CCDC171: variants seen among roughly 807,000 people sequenced by gnomAD.
The protein encoded by CCDC171 is coiled-coil domain-containing protein 171.
CCDC171 carries 177 observed loss-of-function variants against 168.2 expected under a neutral mutation model. The observed-to-expected ratio is 1.05, with a 90% confidence interval of 0.93 to 1.19. The LOEUF (loss-of-function observed/expected upper bound fraction) is 1.19, where lower values mean the gene tolerates loss of function less well. Among genes scored for constraint, CCDC171 ranks in the 50% most tolerant of loss-of-function variants. CCDC171 has a pLI of 0.00. For missense variants in CCDC171, 1,991 were observed against 1,539.0 expected (o/e 1.29, Z -4.91); for synonymous variants, 687 against 540.8 (o/e 1.27, Z -3.75).
rs572420254 is a variant in CCDC171 at position 15,795,030 on chromosome 9, G to A, written c.3267+10336G>A. Among the ~76,000 whole-genome samples, 15 of 152,312 alleles carry A rather than the reference G, an allele frequency of 9.8e-5. No individual in the cohort carries two copies. In the South Asian group the frequency reaches 3.1e-3, roughly 32 times the overall value. ...AGAGTGGTGTCTTAGTGCATTTTGT[G>A]TTGCTATGACAAAATAGCACAGATG... On this transcript the variant is annotated intron_variant, in intron 21 of 25. Transcript: ENST00000380701.
At position 15,982,548 on chromosome 9, in the gene CCDC171, A is replaced by T. The variant is rs543642973; in HGVS notation, n.369-38041A>T. On this transcript the variant is annotated intron_variant and non_coding_transcript_variant, in intron 3 of 9. Transcript: ENST00000486641. ...AAAGAGGGATAATTCATGGAACCTG[A>T]GGGCAGGAGTGCAGCCCAGCCTTTA... is the stretch of plus-strand genomic sequence containing the variant. 7.2e-5 allele frequency among the ~76,000 whole-genome samples: 11 copies of T among 152,270 alleles called. No homozygotes were observed. In the South Asian group the frequency reaches 2.3e-3, roughly 32 times the overall value.
chr9:16,079,907 C>T, the CCDC171 span, among the ~76,000 whole-genome samples: 1 of 152,190 alleles, frequency 6.6e-6, no homozygotes, highest in East Asian at 1.9e-4. Context: ...ATAGTATCCT[C>T]ATTTTGCACA....
intron 24 of CCDC171, among the ~76,000 whole-genome samples, chr9:15,895,212 A>C (rs924502887): frequency 6.6e-6 from 1 of 152,138 alleles, no homozygotes; most frequent in Admixed American, 6.6e-5. Context: ...GTAAGAGATT[A>C]TGTATGCCAT....
chr9:15,685,058 G>C (rs986192764), intron 10 of CCDC171, among the ~76,000 whole-genome samples: 1 of 152,140 alleles, frequency 6.6e-6, no homozygotes, highest in Non-Finnish European at 1.5e-5. Context: ...AAATAAGTGA[G>C]TCCCTTTATC....
intron 4 of CCDC171, among the ~76,000 whole-genome samples, chr9:15,590,024 GCAGGCATAGCATTATGAAATTTCAGAAA>G (rs2041867094): frequency 6.6e-6 from 1 of 152,168 alleles, no homozygotes; most frequent in African/African-American, 2.4e-5. Context: ...TAGACCTACT[GCAGGCATAGCATTATGAAATTTCAGAAA>G]AATAAAGACA....
chr9:15,723,601 T>G (rs2053623221), intron 12 of CCDC171, 80 bp from the exon 13 acceptor site: 1 of 955,496 alleles, frequency 1.0e-6, no homozygotes, highest in Admixed American at 2.3e-5. Flanking sequence ...AGATTAACTT[T>G]TGAGTTACCC....
chr9:15,623,471 G>GCACACACA lies in CCDC171; in HGVS notation c.822+59_822+60insACACACAC, dbSNP rs1424407806. 1.7e-3 allele frequency: 836 copies of GCACACACA among 504,908 alleles called. 13 individuals carry two copies. In the African/African-American group the frequency reaches 0.022, roughly 13 times the overall value. 31.3% of individuals were successfully genotyped at this position (504,908 alleles called of 1,614,324 possible). ...CGTACAAACTTTCACATATGCGCGC[G>GCACACACA]CGCGCACACACACACACACACACAC... On this transcript the variant is annotated intron_variant, in intron 7 of 25. Transcript: ENST00000380701.
At position 15,848,889 on chromosome 9, in the gene CCDC171, C is replaced by G. The variant is rs370541412; in HGVS notation, c.3414-4C>G. 1.9e-6 allele frequency: 3 copies of G among 1,540,514 alleles called. No individual in the cohort carries two copies. Among genetic ancestry groups the G allele is most frequent in the Non-Finnish European group, 2.7e-6 (3 of 1,130,996 alleles). ...ACTAACACTTAATCTTTTATTTTTT[C>G]TAGAGACAAAGAATGTGTTGCTAAT... On this transcript the variant is annotated splice_polypyrimidine_tract_variant and splice_region_variant and intron_variant, in intron 22 of 25. Transcript: ENST00000380701.
At chr9:15,906,626 C>G (rs1822667397) in intron 24 of CCDC171, among the ~76,000 whole-genome samples, 2 of 152,100 alleles carry the variant, frequency 1.3e-5, no homozygotes, top group South Asian at 2.1e-4. Flanking sequence ...ACAGGGATGC[C>G]CTCTCTCACC....
chr9:15,756,681 A>G (rs914652887), intron 18 of CCDC171, among the ~76,000 whole-genome samples: 2 of 152,178 alleles, frequency 1.3e-5, no homozygotes, highest in East Asian at 1.9e-4. Context: ...AATGGCTAAT[A>G]ATGGTTTGGC....
rs750292853 is a variant in CCDC171, at chr9:15,571,654, A to G, written c.72A>G (p.Gln24=). 1 of 1,568,424 alleles carries G rather than the reference A, an allele frequency of 6.4e-7. No homozygotes were observed. Among genetic ancestry groups the G allele is most frequent in the Non-Finnish European group, 8.6e-7 (1 of 1,164,652 alleles). Residue 24 remains glutamine, a synonymous_variant, in exon 3 of 26, where the codon CAA becomes CAG. Coordinates refer to ENST00000380701, the MANE Select transcript of CCDC171 (RefSeq NM_173550.4). ...RLKIASLDVK[Q]ILKNETELDI... is the part of the protein sequence containing the mutation. ...AGATTGCCTCATTGGATGTAAAACA[A>G]ATACTTAAAAATGAAACAGAGTTGG...
At position 15,666,432 on chromosome 9, in the gene CCDC171, G is replaced by A. The variant is rs573818838; in HGVS notation, c.1076+109G>A. On this transcript the variant is annotated intron_variant, in intron 9 of 25. Coordinates refer to ENST00000380701, the MANE Select transcript of CCDC171 (RefSeq NM_173550.4). ...TTAGATATAGCTCCCATTAATGTCA[G>A]TGGTAGACTGGGGCAAGTGACTTCA... is the stretch of plus-strand genomic sequence containing the variant. The A allele has an allele frequency of 8.3e-5, 58 of 701,202 alleles. 1 individual carries two copies. The South Asian group carries it at 1.3e-3, about 15-fold the overall frequency. 43.4% of individuals were successfully genotyped at this position (701,202 alleles called of 1,614,324 possible). A position where few individuals can be genotyped will look rare whatever the true frequency, so the allele number is the denominator to read the frequency against.
chr9:15,999,165 TG>T (rs997183862), intron 3 of CCDC171, among the ~76,000 whole-genome samples: 3 of 149,520 alleles, frequency 2.0e-5, no homozygotes, highest in African/African-American at 7.4e-5. Context: ...GAGCTATGAT[TG>T]CATCACTGCA....
At chr9:15,957,096 G>C (rs1829874564) in intron 25 of CCDC171, among the ~76,000 whole-genome samples, 1 of 149,852 alleles carries the variant, frequency 6.7e-6, no homozygotes, top group South Asian at 2.1e-4. Context: ...TCTAATTCAA[G>C]ATATGGAATG....
intron 25 of CCDC171, among the ~76,000 whole-genome samples, chr9:15,951,750 A>G (rs759196562): frequency 6.6e-6 from 1 of 152,214 alleles, no homozygotes; most frequent in Non-Finnish European, 1.5e-5. Flanking sequence ...TTTTCTATAT[A>G]TTCTGGATAT....
chr9:15,725,932 A>T (rs575190355), intron 14 of CCDC171, among the ~76,000 whole-genome samples: 1 of 151,946 alleles, frequency 6.6e-6, no homozygotes, highest in Non-Finnish European at 1.5e-5. Context: ...TTATAAAAAT[A>T]TTATGACACA....
chr9:15,632,982 A>G (rs2045864954), intron 7 of CCDC171, among the ~76,000 whole-genome samples: 3 of 152,256 alleles, frequency 2.0e-5, no homozygotes, highest in African/African-American at 7.2e-5. Context: ...TAGAAAGCTG[A>G]AACTGGGTCC....
At chr9:16,108,385 A>G in the CCDC171 span, among the ~76,000 whole-genome samples, 1 of 152,172 alleles carries the variant, frequency 6.6e-6, no homozygotes, top group African/African-American at 2.4e-5. Context: ...AGGCTTGTGA[A>G]TTTTATTTCT....
chr9:16,004,706 G>A (rs1040282021), intron 3 of CCDC171, among the ~76,000 whole-genome samples: 8 of 152,128 alleles, frequency 5.3e-5, no homozygotes, highest in African/African-American at 1.7e-4. Flanking sequence ...GTCTAAATTC[G>A]AGACCTCTGA....
Sources: allele counts gnomAD v4.1 joint callset (sites outside exome capture counted in the v4.1 genomes callset), GRCh38; gene constraint gnomAD v4.1.1; transcripts MANE v1.5; gene names NCBI Gene and HGNC (gene_info 2026-07-23, HGNC 2026-07-21).